GANC: variants seen among roughly 807,000 people sequenced by gnomAD.
GANC encodes glucosidase alpha, neutral C.
A neutral mutation model predicts 124.2 loss-of-function variants in GANC; 117 were observed. The ratio of observed to expected loss-of-function variants is 0.94; its 90% CI spans 0.81 to 1.10. GANC has a LOEUF of 1.10. GANC is among the 50% of genes least tolerant of loss of function. The pLI, the probability that GANC is intolerant of heterozygous loss-of-function variation, is 0.00. For missense variants in GANC, 1,140 were observed against 1,095.0 expected (o/e 1.04, Z -0.58); for synonymous variants, 377 against 376.8 (o/e 1.00, Z -0.01).
chr15:42,294,568 C>CTT (rs1251743369), intron 5 of GANC, among the ~76,000 whole-genome samples: 2 of 77,714 alleles, frequency 2.6e-5, no homozygotes, highest in African/African-American at 9.0e-5. Flanking sequence ...GAGCAAGACT[C>CTT]TGTCTCAAAA....
At chr15:42,333,270 G>A (rs1402417329) in intron 15 of GANC, among the ~76,000 whole-genome samples, 1 of 151,750 alleles carries the variant, frequency 6.6e-6, no homozygotes, top group African/African-American at 2.4e-5. Context: ...GGAAGTTGCA[G>A]TGAGCCAAGA....
rs2052480273 is a variant in GANC at position 42,353,635 on chromosome 15, TTTAA to T, written c.*1499_*1502del. ...TAGCTGTGATTAGTTAGCTGGTGGA[TTTAA>T]TTGATTAAAAAATTACGATTGAATG... On this transcript the variant is annotated 3_prime_UTR_variant, in exon 24 of 24. Transcript: ENST00000318010. 1 of 985,570 alleles carries T rather than the reference TTTAA, an allele frequency of 1.0e-6. No individual in the cohort carries two copies. The highest frequency in any genetic ancestry group is 4.7e-5 in the South Asian group (1 of 21,284). 61.1% of individuals were successfully genotyped at this position (985,570 alleles called of 1,614,324 possible). A position where few individuals can be genotyped will look rare whatever the true frequency, so the allele number is the denominator to read the frequency against.
At position 42,274,354 on chromosome 15, in the gene GANC, C is replaced by A. The variant is rs2051629744; in HGVS notation, c.-128C>A. 1 of 933,514 alleles carries A rather than the reference C, an allele frequency of 1.1e-6. No homozygotes were observed. Among genetic ancestry groups the A allele is most frequent in the Admixed American group, 2.5e-5 (1 of 40,740 alleles). 57.8% of individuals were successfully genotyped at this position (933,514 alleles called of 1,614,324 possible). A position where few individuals can be genotyped will look rare whatever the true frequency, so the allele number is the denominator to read the frequency against. The stretch of plus-strand genomic sequence containing the variant: ...ACTCCATGAGAATCTGGAGGGGACT[C>A]CCTTCCCAGAAACTTGACGATGAAG... On this transcript the variant is annotated 5_prime_UTR_variant, in exon 1 of 24. Coordinates refer to ENST00000318010, the MANE Select transcript of GANC (RefSeq NM_198141.3).
intron 15 of GANC, among the ~76,000 whole-genome samples, chr15:42,332,481 T>A (rs897883697): frequency 1.2e-4 from 18 of 152,218 alleles, no homozygotes; most frequent in Non-Finnish European, 2.4e-4. Flanking sequence ...CTTCACTGTG[T>A]AGCAAGACAT....
intron 10 of GANC, among the ~76,000 whole-genome samples, chr15:42,320,623 A>G (rs553486313): frequency 6.6e-6 from 1 of 152,008 alleles, no homozygotes; most frequent in East Asian, 1.9e-4. Context: ...TAATTTTTGT[A>G]TTTTTAGTAG....
intron 6 of GANC, among the ~76,000 whole-genome samples, chr15:42,303,218 A>C (rs963023362): frequency 6.6e-6 from 1 of 152,234 alleles, no homozygotes; most frequent in African/African-American, 2.4e-5. Flanking sequence ...CTTAAAGAAA[A>C]TAATTTTCAA....
intron 13 of GANC, among the ~76,000 whole-genome samples, chr15:42,327,685 A>G (rs2052208924): frequency 6.6e-6 from 1 of 152,198 alleles, no homozygotes; most frequent in Non-Finnish European, 1.5e-5. Flanking sequence ...TGATATATCA[A>G]AGTACTTTAT....
Position 42,338,491 on chromosome 15 carries a change from G to C in GANC, c.1843+1G>C, listed in dbSNP as rs145946290. On this transcript the variant is annotated splice_donor_variant, in intron 16 of 23. Transcript: ENST00000318010. LOFTEE classifies it high-confidence loss of function. ...ATTACTGGGATCTCTTTTTGCGGAG[G>C]TAAGATGAGTCCTTTGAGGCTTGAA... is the stretch of plus-strand genomic sequence containing the variant. 1.0e-5 allele frequency: 16 copies of C among 1,597,206 alleles called. No homozygotes were observed. The highest frequency in any genetic ancestry group is 2.7e-5 in the African/African-American group (2 of 74,580).
chr15:42,313,291 A>G (rs1195345206), intron 10 of GANC, among the ~76,000 whole-genome samples: 1 of 152,164 alleles, frequency 6.6e-6, no homozygotes, highest in Non-Finnish European at 1.5e-5. Flanking sequence ...TAAGACTCTC[A>G]GAAGAAAACA....
rs983825359 is a variant in GANC at position 42,352,984 on chromosome 15, T to G, written c.*845T>G. The stretch of plus-strand genomic sequence containing the variant: ...AAAATACAGTAATCAAAGTAAGTAA[T>G]ATTTCAATCCAATATTTTTAAAAAT... On this transcript the variant is annotated 3_prime_UTR_variant, in exon 24 of 24. Coordinates refer to ENST00000318010, the MANE Select transcript of GANC (RefSeq NM_198141.3). 3 of 649,292 alleles carry G rather than the reference T, an allele frequency of 4.6e-6. No homozygotes were observed. The African/African-American group carries it at 5.9e-5, about 13-fold the overall frequency. The allele number at this position is 649,292 out of a possible 1,614,324, so 40.2% of individuals were successfully genotyped here.
In GANC at chr15:42,306,610, A is replaced by C; in HGVS notation, c.623A>C (p.Asn208Thr). The change falls in exon 7 of 24, where the codon AAT (asparagine) becomes ACT (threonine). Residue 208 changes from asparagine to threonine, a missense_variant and splice_region_variant. Coordinates refer to ENST00000318010, the MANE Select transcript of GANC (RefSeq NM_198141.3). ...KFGKFVDIKA[N>T]GPSSIGLDFS... ...GGAAAATTTGTGGATATCAAAGCTA[A>C]TGGTAAAATTGAAACTGGTATAGTA... is the stretch of plus-strand genomic sequence containing the variant. 1 of 1,603,622 alleles carries C rather than the reference A, an allele frequency of 6.2e-7. No individual in the cohort carries two copies. The highest frequency in any genetic ancestry group is 1.1e-5 in the South Asian group (1 of 90,790).
At chr15:42,308,910 C>G (rs904688534) in intron 8 of GANC, among the ~76,000 whole-genome samples, 1 of 152,152 alleles carries the variant, frequency 6.6e-6, no homozygotes, top group African/African-American at 2.4e-5. Flanking sequence ...GAGGGAAGAT[C>G]TTTATCCTCG....
In GANC at chr15:42,310,441, T is replaced by G. The variant is rs756422462; in HGVS notation, c.881T>G (p.Ile294Ser). 6.2e-7 allele frequency: 1 copy of G among 1,612,342 alleles called. No individual in the cohort carries two copies. ...AATGCCTCGGAAACACTGGTGGAGA[T>G]CAATACAGAGCCTGCAGTAGAGGTG... ...WLNASETLVE[I>S]NTEPAVEYTL... Residue 294 changes from isoleucine (I) to serine (S), a missense_variant, in exon 9 of 24, where the codon ATC (isoleucine) becomes AGC (serine). Coordinates refer to ENST00000318010, the MANE Select transcript of GANC (RefSeq NM_198141.3).
At chr15:42,336,214 A>G (rs986748158) in intron 15 of GANC, among the ~76,000 whole-genome samples, 2 of 152,186 alleles carry the variant, frequency 1.3e-5, no homozygotes, top group African/African-American at 4.8e-5. Context: ...AGGAGGCAAT[A>G]TGCTACCCAA....
At chr15:42,337,415 G>A (rs1320214880) in intron 15 of GANC, among the ~76,000 whole-genome samples, 1 of 152,054 alleles carries the variant, frequency 6.6e-6, no homozygotes, top group Non-Finnish European at 1.5e-5. Flanking sequence ...CAGGAACATG[G>A]ATGGAGTTGG....
chr15:42,295,018 C>CT (rs1315497207), intron 5 of GANC, among the ~76,000 whole-genome samples: 5 of 143,304 alleles, frequency 3.5e-5, no homozygotes, highest in Non-Finnish European at 6.0e-5. Flanking sequence ...GTCACCCAGG[C>CT]TGGAGTGCAG....
rs1372376969 is a variant in GANC, at chr15:42,351,397, G to A, written c.2600G>A (p.Arg867Lys). 4 of 1,614,010 alleles carry A rather than the reference G, an allele frequency of 2.5e-6. No individual in the cohort carries two copies. The highest frequency in any genetic ancestry group is 2.5e-6 in the Non-Finnish European group (3 of 1,179,914). The change falls in exon 23 of 24, where the codon AGG becomes AAG. Residue 867 changes from arginine (R) to lysine (K), a missense_variant. By Grantham distance (26) the Arg-to-Lys change is conservative (BLOSUM62 2). Coordinates refer to ENST00000318010, the MANE Select transcript of GANC (RefSeq NM_198141.3). ...GAGAAGATCTTGGTCTTAGGCTTCAGGAAGGAGCCATCTTCTGTGACTACC... is the reference window on the plus strand; with the variant it reads ...GAGAAGATCTTGGTCTTAGGCTTCAAGAAGGAGCCATCTTCTGTGACTACC... ...VVEKILVLGF[R>K]KEPSSVTTHS...
intron 10 of GANC, among the ~76,000 whole-genome samples, chr15:42,315,417 A>AAAATGC (rs2052093461): frequency 6.6e-6 from 1 of 152,236 alleles, no homozygotes; most frequent in African/African-American, 2.4e-5. Context: ...AGTCATTAGG[A>AAAATGC]AAATGCAAAT....
At chr15:42,347,732 GGAA>G (rs762346112) in intron 20 of GANC, among the ~76,000 whole-genome samples, 1 of 152,034 alleles carries the variant, frequency 6.6e-6, no homozygotes, top group Non-Finnish European at 1.5e-5. Flanking sequence ...GCAGGGTTCT[GGAA>G]ATAAGCATGT....
Sources: gnomAD v4.1 joint callset for allele counts (sites outside exome capture counted in the v4.1 genomes callset) on GRCh38, gnomAD v4.1.1 for gene constraint, MANE v1.5 for transcripts, NCBI Gene and HGNC (gene_info 2026-07-23, HGNC 2026-07-21) for gene names.